CCDC170: variants seen among roughly 807,000 people sequenced by gnomAD.
CCDC170 encodes the protein coiled-coil domain containing 170.
In CCDC170, 69 loss-of-function variants were observed where a neutral mutation model predicts 72.6. The ratio of observed to expected loss-of-function variants is 0.95; its 90% CI spans 0.78 to 1.16. CCDC170 has a LOEUF of 1.16. Among genes scored for constraint, CCDC170 ranks in the 50% most tolerant of loss-of-function variants. The probability of loss-of-function intolerance (pLI) is 0.00; values close to 1 mark genes in which losing one functional copy is unlikely to be tolerated. For synonymous variants in CCDC170, 300 were observed against 303.9 expected (o/e 0.99, Z 0.13); for missense variants, 852 against 832.5 (o/e 1.02, Z -0.29).
intron 5 of CCDC170, among the ~76,000 whole-genome samples, chr6:151,549,288 G>A (rs1782837663): frequency 6.6e-6 from 1 of 151,886 alleles, no homozygotes; most frequent in South Asian, 2.1e-4. Context: ...TGCCCACCTT[G>A]ACCTCCCAAA....
chr6:151,606,841 G>C (rs1358565950), intron 9 of CCDC170, among the ~76,000 whole-genome samples: 1 of 151,920 alleles, frequency 6.6e-6, no homozygotes, highest in Non-Finnish European at 1.5e-5. Flanking sequence ...TCCTCTTATT[G>C]AATTGTTCTT....
At chr6:151,540,773 A>G (rs190741389) in intron 3 of CCDC170, among the ~76,000 whole-genome samples, 5 of 152,120 alleles carry the variant, frequency 3.3e-5, no homozygotes, top group Admixed American at 3.3e-4. Flanking sequence ...CAACCTCCAA[A>G]TATTATACCA....
chr6:151,532,410 C>A (rs1782503263), intron 1 of CCDC170, among the ~76,000 whole-genome samples: 1 of 151,934 alleles, frequency 6.6e-6, no homozygotes, highest in Non-Finnish European at 1.5e-5. Context: ...AGTTCGAGAC[C>A]AGCCTGGCTA....
intron 9 of CCDC170, among the ~76,000 whole-genome samples, chr6:151,603,650 G>A (rs879916110): frequency 4.6e-5 from 7 of 152,192 alleles, no homozygotes; most frequent in Admixed American, 4.6e-4. Context: ...TTAGAGAGGA[G>A]AGGCATTTAT....
chr6:151,505,662 C>T lies in CCDC170; in HGVS notation c.57+11477C>T, dbSNP rs142457769. On this transcript the variant is annotated intron_variant, in intron 1 of 10. Coordinates refer to ENST00000239374, the MANE Select transcript of CCDC170 (RefSeq NM_025059.4). ...TGGCACCACTGCACTAGAGCCCAGGCGACAAAGCGAGACTCCGTCTCAAAA... is the reference window on the plus strand; with the variant it reads ...TGGCACCACTGCACTAGAGCCCAGGTGACAAAGCGAGACTCCGTCTCAAAA... 2.3e-3 allele frequency among the ~76,000 whole-genome samples: 346 copies of T among 151,870 alleles called. 3 individuals are homozygous for T. In the East Asian group the frequency reaches 0.03, roughly 13 times the overall value.
intron 6 of CCDC170, among the ~76,000 whole-genome samples, chr6:151,574,517 G>C (rs1020330991): frequency 6.6e-6 from 1 of 152,190 alleles, no homozygotes; most frequent in African/African-American, 2.4e-5. Context: ...AGCTTAGAAA[G>C]GTAATGCAGA....
At chr6:151,615,801 A>G (rs1562301289) in intron 10 of CCDC170, 122 bp downstream of exon 10, 2 of 762,156 alleles carry the variant, frequency 2.6e-6, no homozygotes, top group South Asian at 1.7e-5. Context: ...ATGAATTTGT[A>G]TGTCATCGTT....
intron 5 of CCDC170, among the ~76,000 whole-genome samples, chr6:151,552,182 A>G (rs1181338372): frequency 6.6e-6 from 1 of 152,172 alleles, no homozygotes; most frequent in African/African-American, 2.4e-5. Flanking sequence ...GATTGGATTC[A>G]GGTTAAGGCT....
intron 1 of CCDC170, among the ~76,000 whole-genome samples, chr6:151,524,843 T>C (rs1782376523): frequency 1.3e-5 from 2 of 152,198 alleles, no homozygotes; most frequent in Non-Finnish European, 2.9e-5. Context: ...CTGTTAGTTT[T>C]GTTCTCTAAT....
intron 1 of CCDC170, among the ~76,000 whole-genome samples, 199 bp downstream of exon 1, chr6:151,494,384 C>T (rs1781879231): frequency 6.6e-6 from 1 of 152,170 alleles, no homozygotes; most frequent in Non-Finnish European, 1.5e-5. Context: ...CCGGAGTTTG[C>T]GGAGCGCGTC....
chr6:151,522,960 G>T (rs945146714), intron 1 of CCDC170, among the ~76,000 whole-genome samples: 1 of 152,018 alleles, frequency 6.6e-6, no homozygotes, highest in African/African-American at 2.4e-5. Context: ...TTATTCTGTG[G>T]ACTTGCCCTG....
In CCDC170 at chr6:151,596,368, G is replaced by T; in HGVS notation, c.1501G>T (p.Glu501Ter). Residue 501 changes from glutamate to a stop codon, truncating the protein, a stop_gained, in exon 9 of 11, where the codon GAA becomes TAA. Coordinates refer to ENST00000239374, the MANE Select transcript of CCDC170 (RefSeq NM_025059.4). LOFTEE classifies it high-confidence loss of function. ...ACAGAAAGAGAGACTGGAGAGCAAA[G>T]AATTACACATGAGCCTCCTCCGGCA... Reference protein sequence around the residue: ...KTQKERLESKELHMSLLRQKI... With the variant: ...KTQKERLESK 2 of 1,614,042 alleles carry T rather than the reference G, an allele frequency of 1.2e-6. No homozygotes were observed. The highest frequency in any genetic ancestry group is 1.7e-6 in the Non-Finnish European group (2 of 1,179,994).
chr6:151,581,701 C>T (rs866449563), intron 6 of CCDC170, among the ~76,000 whole-genome samples: 1 of 152,194 alleles, frequency 6.6e-6, no homozygotes, highest in Non-Finnish European at 1.5e-5. Flanking sequence ...GCAGCTGTAG[C>T]CTTATGAAGT....
In CCDC170 at chr6:151,620,085, A is replaced by G. The variant is rs1777035394; in HGVS notation, c.*1938A>G. ...GATTGTTATACTTTAAATAACTAAA[A>G]ATCTGAGAATCCACAGTGCTACAGA... On this transcript the variant is annotated 3_prime_UTR_variant, in exon 11 of 11. Coordinates refer to ENST00000239374, the MANE Select transcript of CCDC170 (RefSeq NM_025059.4). 1 of 151,840 alleles carries G rather than the reference A, an allele frequency of 6.6e-6. No individual in the cohort carries two copies. Among genetic ancestry groups the G allele is most frequent in the Non-Finnish European group, 1.5e-5 (1 of 67,980 alleles). 9.4% of individuals were successfully genotyped at this position (151,840 alleles called of 1,614,324 possible). A position where few individuals can be genotyped will look rare whatever the true frequency, so the allele number is the denominator to read the frequency against.
At chr6:151,546,870 C>A (rs1782779540) in intron 4 of CCDC170, among the ~76,000 whole-genome samples, 2 of 152,072 alleles carry the variant, frequency 1.3e-5, no homozygotes, top group East Asian at 3.9e-4. Context: ...TTTTTGATGG[C>A]AATTTCCTCC....
chr6:151,558,031 T>TG (rs5880931), intron 5 of CCDC170, among the ~76,000 whole-genome samples: 139,426 of 152,130 alleles, frequency 0.92, 64,145 homozygotes, highest in East Asian at 0.99. Context: ...GCTTGGGAGG[T>TG]GAGGTTGCAC....
chr6:151,576,289 A>G (rs1207815018), intron 6 of CCDC170, among the ~76,000 whole-genome samples: 1 of 152,210 alleles, frequency 6.6e-6, no homozygotes, highest in Admixed American at 6.5e-5. Flanking sequence ...AAGCCATGAT[A>G]TTCGGTAGGT....
chr6:151,575,136 A>C (rs1776282773), intron 6 of CCDC170, among the ~76,000 whole-genome samples: 1 of 152,212 alleles, frequency 6.6e-6, no homozygotes, highest in Admixed American at 6.5e-5. Context: ...TAAATTATAG[A>C]AGTCCTAGTT....
chr6:151,538,141 T>C lies in CCDC170; in HGVS notation c.283T>C (p.Ser95Pro), dbSNP rs936850632. ...ESYKENNARK[S>P]SLLTSLRDRV... is the part of the protein sequence containing the mutation. ...CTACAAGGAAAACAATGCCAGAAAA[T>C]CATCTCTCCTTACCTCTTTGAGAGA... The change falls in exon 3 of 11, where the codon TCA (serine) becomes CCA (proline). Residue 95 changes from serine to proline, a missense_variant. By Grantham distance (74) the Ser-to-Pro change is moderately conservative. Transcript: ENST00000239374. The C allele has an allele frequency of 3.1e-6, 5 of 1,613,570 alleles. No homozygotes were observed. The highest frequency in any genetic ancestry group is 4.2e-6 in the Non-Finnish European group (5 of 1,179,902).
Sources: allele counts gnomAD v4.1 joint callset (sites outside exome capture counted in the v4.1 genomes callset), GRCh38; gene constraint gnomAD v4.1.1; transcripts MANE v1.5; gene names NCBI Gene and HGNC (gene_info 2026-07-23, HGNC 2026-07-21).